Variants in GABBR2 observed in about 807,000 individuals in gnomAD.
GABBR2 encodes gamma-aminobutyric acid type B receptor subunit 2.
Under a neutral mutation model 105.6 loss-of-function variants are expected in GABBR2, and 23 were observed. The ratio of observed to expected loss-of-function variants is 0.22; its 90% CI spans 0.16 to 0.31. The LOEUF (loss-of-function observed/expected upper bound fraction) is 0.31, where lower values mean the gene tolerates loss of function less well. GABBR2 is among the 10% of genes least tolerant of loss of function. GABBR2 has a pLI of 1.00. For missense variants in GABBR2, 734 were observed against 1,245.5 expected (o/e 0.59, Z 6.18); for synonymous variants, 478 against 499.7 (o/e 0.96, Z 0.58).
intron 3 of GABBR2, among the ~76,000 whole-genome samples, chr9:98,514,272 G>A (rs1372480702): frequency 3.7e-5 from 5 of 134,146 alleles, no homozygotes; most frequent in African/African-American, 1.3e-4. Context: ...GGGGAGGGGA[G>A]AGGGATAGCA....
At chr9:98,685,369 C>G (rs1015022137) in intron 1 of GABBR2, among the ~76,000 whole-genome samples, 1 of 152,222 alleles carries the variant, frequency 6.6e-6, no homozygotes, top group Non-Finnish European at 1.5e-5. Flanking sequence ...TGCAGACGGC[C>G]TATTGTGGGA....
At chr9:98,625,775 A>G (rs1829729211) in intron 1 of GABBR2, among the ~76,000 whole-genome samples, 1 of 152,166 alleles carries the variant, frequency 6.6e-6, no homozygotes, top group South Asian at 2.1e-4. Flanking sequence ...TCTGGAGGGA[A>G]TGCATTTAGG....
intron 16 of GABBR2, among the ~76,000 whole-genome samples, chr9:98,300,217 C>T (rs1305332823): frequency 6.6e-6 from 1 of 151,932 alleles, no homozygotes; most frequent in Non-Finnish European, 1.5e-5. Context: ...GACAGACATG[C>T]AGGGCTCGCG....
intron 13 of GABBR2, among the ~76,000 whole-genome samples, chr9:98,318,912 TGTTGGGG>T (rs1830770520): frequency 7.4e-6 from 1 of 134,244 alleles, no homozygotes; most frequent in African/African-American, 2.8e-5. Context: ...TGTGTGTGTG[TGTTGGGG>T]GTGTGTGTGT....
chr9:98,477,461 C>T (rs1410443378), intron 5 of GABBR2, among the ~76,000 whole-genome samples: 1 of 152,188 alleles, frequency 6.6e-6, no homozygotes, highest in African/African-American at 2.4e-5. Flanking sequence ...GCTGGTCTAA[C>T]TCTTGGGCTT....
intron 3 of GABBR2, among the ~76,000 whole-genome samples, chr9:98,501,174 T>A (rs1250609658): frequency 1.3e-4 from 16 of 124,062 alleles, no homozygotes; most frequent in Non-Finnish European, 2.4e-4. Context: ...AATTAATTAA[T>A]TTTTTTTTGA....
chr9:98,408,630 G>A (rs1373519947), intron 7 of GABBR2, among the ~76,000 whole-genome samples: 1 of 152,166 alleles, frequency 6.6e-6, no homozygotes, highest in Non-Finnish European at 1.5e-5. Context: ...TACCTACTGC[G>A]TGCTCGATAC....
rs533444307 is a variant in GABBR2 at position 98,439,330 on chromosome 9, G to A, written c.1236+14651C>T. Among the ~76,000 whole-genome samples, 13 of 152,256 alleles carry A rather than the reference G, an allele frequency of 8.5e-5. 1 individual carries two copies. The East Asian group carries it at 1.4e-3, about 16-fold the overall frequency. ...GAGATGACCTGACAGCTCAGACCCAGGTTCCCCATGAAGGCTTTGCTTCTT... is the reference window on the plus strand; with the variant it reads ...GAGATGACCTGACAGCTCAGACCCAAGTTCCCCATGAAGGCTTTGCTTCTT... On this transcript the variant is annotated intron_variant, in intron 7 of 18. Coordinates refer to ENST00000259455, the MANE Select transcript of GABBR2 (RefSeq NM_005458.8).
intron 2 of GABBR2, among the ~76,000 whole-genome samples, chr9:98,543,984 C>A (rs570202499): frequency 6.6e-6 from 1 of 151,878 alleles, no homozygotes; most frequent in Admixed American, 6.6e-5. Context: ...AATAATTTCT[C>A]CATGGTTTCT....
intron 13 of GABBR2, among the ~76,000 whole-genome samples, chr9:98,323,226 A>G (rs1022403797): frequency 1.3e-5 from 2 of 151,898 alleles, no homozygotes; most frequent in Admixed American, 1.3e-4. Context: ...GTGTGGCGGG[A>G]CTGGGTAGAA....
chr9:98,346,012 A>G (rs552550445), intron 13 of GABBR2, among the ~76,000 whole-genome samples: 15 of 152,302 alleles, frequency 9.8e-5, no homozygotes, highest in African/African-American at 3.4e-4. Context: ...TAAAAATGCT[A>G]ATGATCATCT....
chr9:98,605,576 G>A (rs891985181), intron 1 of GABBR2, among the ~76,000 whole-genome samples: 1 of 152,180 alleles, frequency 6.6e-6, no homozygotes, highest in African/African-American at 2.4e-5. Flanking sequence ...TAAGGGTCTA[G>A]GGACTGCTGC....
In GABBR2 at chr9:98,565,615, A is replaced by G. The variant is rs575360293; in HGVS notation, c.459+12320T>C. Among the ~76,000 whole-genome samples the G allele has an allele frequency of 2.7e-4, 41 of 152,302 alleles. No homozygotes were observed. In the East Asian group the frequency reaches 6.4e-3, roughly 24 times the overall value. On this transcript the variant is annotated intron_variant, in intron 2 of 18. Transcript: ENST00000259455. Reference sequence around the variant, plus strand: ...CTGTCTCTACCTGCACAGATAGGCCAAGATGTCACCTGGGTGACTATGTCC... The same window carrying G: ...CTGTCTCTACCTGCACAGATAGGCCGAGATGTCACCTGGGTGACTATGTCC...
chr9:98,631,396 A>G (rs552361080), intron 1 of GABBR2, among the ~76,000 whole-genome samples: 16 of 152,362 alleles, frequency 1.1e-4, no homozygotes, highest in African/African-American at 3.8e-4. Context: ...CACATTAGCT[A>G]ACTGATGCAT....
intron 13 of GABBR2, among the ~76,000 whole-genome samples, chr9:98,350,917 T>C (rs979745190): frequency 3.9e-5 from 6 of 152,234 alleles, no homozygotes; most frequent in Non-Finnish European, 5.9e-5. Context: ...ATCTGGGTGC[T>C]CTGGCATTGG....
intron 14 of GABBR2, among the ~76,000 whole-genome samples, chr9:98,308,764 T>C (rs911836916): frequency 1.3e-5 from 2 of 152,196 alleles, no homozygotes; most frequent in Non-Finnish European, 2.9e-5. Context: ...CAAGTGTCTG[T>C]CTGGATTTTG....
At chr9:98,648,484 G>A (rs1318287898) in intron 1 of GABBR2, among the ~76,000 whole-genome samples, 4 of 152,074 alleles carry the variant, frequency 2.6e-5, no homozygotes, top group African/African-American at 7.2e-5. Context: ...GCATCTCCAC[G>A]TTTTGACATC....
At chr9:98,593,471 A>C (rs1342796605) in intron 1 of GABBR2, among the ~76,000 whole-genome samples, 1 of 152,096 alleles carries the variant, frequency 6.6e-6, no homozygotes, top group Non-Finnish European at 1.5e-5. Flanking sequence ...GAACAAGAGG[A>C]AGAGTAGCCT....
At chr9:98,404,412 A>C (rs1474111114) in intron 8 of GABBR2, among the ~76,000 whole-genome samples, 1 of 152,118 alleles carries the variant, frequency 6.6e-6, no homozygotes, top group Non-Finnish European at 1.5e-5. Flanking sequence ...GCTGAAGAAC[A>C]CCTCTCCTGA....
Sources: gnomAD v4.1 joint callset for allele counts (sites outside exome capture counted in the v4.1 genomes callset) on GRCh38, gnomAD v4.1.1 for gene constraint, MANE v1.5 for transcripts, NCBI Gene and HGNC (gene_info 2026-07-23, HGNC 2026-07-21) for gene names.